Variants in ADAM12 observed in about 807,000 individuals in gnomAD.
ADAM12 encodes the protein ADAM metallopeptidase domain 12.
In ADAM12, 70 loss-of-function variants were observed where a neutral mutation model predicts 106.4. The ratio of observed to expected loss-of-function variants is 0.66; its 90% CI spans 0.54 to 0.80. The LOEUF is 0.80. Among genes scored for constraint, ADAM12 ranks in the 30% least tolerant of loss-of-function variants. The probability of loss-of-function intolerance (pLI) is 0.00; values close to 1 mark genes in which losing one functional copy is unlikely to be tolerated. For synonymous variants in ADAM12, 420 were observed against 433.5 expected, an observed-to-expected ratio of 0.97 and a Z score of 0.39; for missense variants, 1,010 against 1,171.9, an observed-to-expected ratio of 0.86 and a Z score of 2.02.
At chr10:126,336,694 A>G (rs1854711498) in intron 1 of ADAM12, among the ~76,000 whole-genome samples, 1 of 152,212 alleles carries the variant, frequency 6.6e-6, no homozygotes, top group Admixed American at 6.5e-5. Flanking sequence ...AACTGCCACT[A>G]GGTTTGGGAA....
intron 5 of ADAM12, among the ~76,000 whole-genome samples, chr10:126,130,451 T>C: frequency 6.6e-6 from 1 of 152,162 alleles, no homozygotes; most frequent in Non-Finnish European, 1.5e-5. Context: ...ACCATTCCCA[T>C]TCCCTCTTGG....
At chr10:126,034,109 C>A (rs927380839) in intron 21 of ADAM12, among the ~76,000 whole-genome samples, 1 of 152,066 alleles carries the variant, frequency 6.6e-6, no homozygotes, top group African/African-American at 2.4e-5. Context: ...GAAAAGCGAC[C>A]TAAAAGGTGA....
At position 126,025,589 on chromosome 10, in the gene ADAM12, G is replaced by T. The variant is rs111924762; in HGVS notation, c.2530-5764C>A. ...TTGGGGTACCCAAAAGAGACGGGCA[G>T]AACAGAGCCCCCCCAGCAAATTGCA... On this transcript the variant is annotated intron_variant, in intron 21 of 22. Coordinates refer to ENST00000448723, the MANE Select transcript of ADAM12 (RefSeq NM_001288973.2). 5.0e-3 allele frequency among the ~76,000 whole-genome samples: 754 copies of T among 152,222 alleles called. 7 individuals are homozygous for T. Among genetic ancestry groups the T allele is most frequent in the African/African-American group, 0.017 (688 of 41,518 alleles).
intron 4 of ADAM12, 69 bp downstream of exon 4, chr10:126,155,155 TAAA>T: frequency 6.5e-7 from 1 of 1,546,302 alleles, no homozygotes; most frequent in South Asian, 1.1e-5. Context: ...TTGCTCCGAA[TAAA>T]ATGGCTACAA....
chr10:126,188,676 G>C (rs1043643772), intron 3 of ADAM12, among the ~76,000 whole-genome samples: 1 of 152,030 alleles, frequency 6.6e-6, no homozygotes, highest in South Asian at 2.1e-4. Flanking sequence ...ACATATCTTT[G>C]TACGCCCTTT....
intron 1 of ADAM12, among the ~76,000 whole-genome samples, chr10:126,381,276 AC>A (rs1470121375): frequency 6.6e-6 from 1 of 152,192 alleles, no homozygotes; most frequent in Non-Finnish European, 1.5e-5. Context: ...TTCTAAATGT[AC>A]ATGGCGGAGT....
intron 5 of ADAM12, among the ~76,000 whole-genome samples, chr10:126,123,310 A>G (rs1239111138): frequency 6.6e-6 from 1 of 152,228 alleles, no homozygotes. Context: ...ACAGATATTT[A>G]GTTGTAAACC....
chr10:126,080,210 G>A (rs763751084), intron 11 of ADAM12, among the ~76,000 whole-genome samples: 3 of 152,104 alleles, frequency 2.0e-5, no homozygotes, highest in Non-Finnish European at 2.9e-5. Flanking sequence ...ATTCCCCGGA[G>A]CATCCATGAA....
At chr10:126,167,848 T>C (rs1190531845) in intron 3 of ADAM12, among the ~76,000 whole-genome samples, 1 of 152,214 alleles carries the variant, frequency 6.6e-6, no homozygotes, top group Non-Finnish European at 1.5e-5. Flanking sequence ...ATCTTTATAA[T>C]GACACTATGA....
At chr10:126,122,457 A>ACTT (rs1172671644) in intron 5 of ADAM12, among the ~76,000 whole-genome samples, 19 of 152,184 alleles carry the variant, frequency 1.2e-4, no homozygotes, top group Admixed American at 8.5e-4. Flanking sequence ...AAGGATGCGA[A>ACTT]CTTAAAAAAA....
chr10:126,046,664 G>A (rs539524466), intron 16 of ADAM12, among the ~76,000 whole-genome samples: 1 of 151,834 alleles, frequency 6.6e-6, no homozygotes, highest in Non-Finnish European at 1.5e-5. Context: ...TTAGCTGGGT[G>A]TGGTGGCACG....
At chr10:126,254,920 C>A (rs1038498794) in intron 3 of ADAM12, among the ~76,000 whole-genome samples, 2 of 152,190 alleles carry the variant, frequency 1.3e-5, no homozygotes, top group Admixed American at 1.3e-4. Flanking sequence ...ATTAGGGCAC[C>A]ATCTCTCTTC....
rs936040910 is a variant in ADAM12 at position 126,053,527 on chromosome 10, G to A, written c.1610-3858C>T. ...CCTCAGAAAGGCTTGTGGCCAATTC[G>A]AATATGTGAATTTTTACCAACACAG... is the stretch of plus-strand genomic sequence containing the variant. On this transcript the variant is annotated intron_variant, in intron 14 of 22. Transcript: ENST00000448723. The surrounding 1 kb of genome is among the most constrained non-coding windows in gnomAD (Gnocchi z 4.6). 2.0e-5 allele frequency among the ~76,000 whole-genome samples: 3 copies of A among 151,966 alleles called. No homozygotes were observed. The highest frequency in any genetic ancestry group is 4.4e-5 in the Non-Finnish European group (3 of 68,012).
chr10:126,367,755 A>G (rs746318079), intron 1 of ADAM12, among the ~76,000 whole-genome samples: 1 of 151,976 alleles, frequency 6.6e-6, no homozygotes, highest in Non-Finnish European at 1.5e-5. Context: ...ATATTATGAA[A>G]CATGTTATGC....
chr10:126,325,731 C>T (rs1854277581), intron 2 of ADAM12, among the ~76,000 whole-genome samples: 1 of 152,066 alleles, frequency 6.6e-6, no homozygotes, highest in Non-Finnish European at 1.5e-5. Flanking sequence ...TCGCTGGTTC[C>T]GCGGTTAATT....
At chr10:126,134,482 T>C (rs1387298914) in intron 5 of ADAM12, among the ~76,000 whole-genome samples, 1 of 152,224 alleles carries the variant, frequency 6.6e-6, no homozygotes, top group Non-Finnish European at 1.5e-5. Flanking sequence ...TGAGTGGGAC[T>C]GGAACGGGAT....
chr10:126,197,069 A>G (rs547754581), intron 3 of ADAM12, among the ~76,000 whole-genome samples: 1 of 152,276 alleles, frequency 6.6e-6, no homozygotes, highest in South Asian at 2.1e-4. Flanking sequence ...GAAGAGAAAG[A>G]AGTAGAAATC....
intron 6 of ADAM12, among the ~76,000 whole-genome samples, chr10:126,116,863 G>A (rs1955993270): frequency 6.6e-6 from 1 of 152,096 alleles, no homozygotes; most frequent in Non-Finnish European, 1.5e-5. Context: ...GGTATCATTT[G>A]GGATAACCCC....
At chr10:126,201,638 G>A (rs1027186133) in intron 3 of ADAM12, among the ~76,000 whole-genome samples, 18 of 152,120 alleles carry the variant, frequency 1.2e-4, no homozygotes, top group African/African-American at 4.1e-4. Context: ...CTGGGAGATG[G>A]GGAACTGGCA....
Sources: gnomAD v4.1 joint callset for allele counts (sites outside exome capture counted in the v4.1 genomes callset) on GRCh38, gnomAD v4.1.1 for gene constraint, Gnocchi (gnomAD v3.1) non-coding constraint, MANE v1.5 for transcripts, NCBI Gene and HGNC (gene_info 2026-07-23, HGNC 2026-07-21) for gene names.